MYH9: variants seen among roughly 807,000 people sequenced by gnomAD.
MYH9 encodes the protein myosin-9.
Under a neutral mutation model 241.9 loss-of-function variants are expected in MYH9, and 29 were observed. The observed-to-expected ratio is 0.12, with a 90% CI of 0.09 to 0.16. The LOEUF (loss-of-function observed/expected upper bound fraction) is 0.16, where lower values mean the gene tolerates loss of function less well. Among genes scored for constraint, MYH9 ranks in the 10% least tolerant of loss-of-function variants. MYH9 has a pLI of 1.00. For synonymous variants in MYH9, 1,047 were observed against 1,062.6 expected, an observed-to-expected ratio of 0.99 and a Z score of 0.29; for missense variants, 1,803 against 2,595.5, an observed-to-expected ratio of 0.69 and a Z score of 6.63.
chr22:36,332,446 T>C (rs934339649), intron 3 of MYH9, among the ~76,000 whole-genome samples: 2 of 151,674 alleles, frequency 1.3e-5, no homozygotes, highest in African/African-American at 4.8e-5. Context: ...CATGGGCGAG[T>C]GTGCCCTCCA....
rs528184529 is a variant in MYH9, at chr22:36,328,635, C to G, written c.491-1147G>C. Among the ~76,000 whole-genome samples, 5 of 152,352 alleles carry G rather than the reference C, an allele frequency of 3.3e-5. No homozygotes were observed. The East Asian group carries it at 9.6e-4, about 29-fold the overall frequency. ...GGACCTGCCGCAGTCCCTGTAAAGA[C>G]AGTAAGCTCCACAAACGGTTGCTGT... On this transcript the variant is annotated intron_variant, in intron 3 of 40. Transcript: ENST00000216181.
At chr22:36,292,577 A>C (rs1336811325) in intron 30 of MYH9, among the ~76,000 whole-genome samples, 1 of 152,166 alleles carries the variant, frequency 6.6e-6, no homozygotes, top group African/African-American at 2.4e-5. Flanking sequence ...CGGGGTCCCC[A>C]TCACCCAGCC....
intron 1 of MYH9, among the ~76,000 whole-genome samples, chr22:36,358,369 C>T (rs892080615): frequency 5.3e-5 from 8 of 152,132 alleles, no homozygotes; most frequent in Non-Finnish European, 8.8e-5. Context: ...CAGGCCCAAA[C>T]GCTATTTATT....
chr22:36,306,483 C>T lies in MYH9; in HGVS notation c.1968G>A (p.Lys656=). 6.2e-7 allele frequency: 1 copy of T among 1,614,138 alleles called. No individual in the cohort carries two copies. Among genetic ancestry groups the T allele is most frequent in the Non-Finnish European group, 8.5e-7 (1 of 1,180,028 alleles). The part of the protein sequence containing the change: ...VGQLYKEQLA[K]LMATLRNTNP... ...TCGTGTTCCTCAGCGTAGCCATCAG[C>T]TTGGCCAGCTGCTCCTTGTAAAGCT... Residue 656 remains lysine, a synonymous_variant, in exon 16 of 41, where the codon AAG becomes AAA. Transcript: ENST00000216181. This position sits in a 1 kb window ranked among gnomAD's most constrained non-coding sequence, Gnocchi z 4.1.
At chr22:36,297,627 G>A (rs570117037) in intron 24 of MYH9, among the ~76,000 whole-genome samples, 9 of 152,316 alleles carry the variant, frequency 5.9e-5, no homozygotes, top group South Asian at 4.1e-4. Context: ...GATGTAGCCC[G>A]TGAAGTTTCG....
In MYH9 at chr22:36,320,860, T is replaced by C. The variant is rs1330357532; in HGVS notation, c.806A>G (p.Lys269Arg). 6.2e-7 allele frequency: 1 copy of C among 1,614,094 alleles called. No homozygotes were observed. The highest frequency in any genetic ancestry group is 2.2e-5 in the East Asian group (1 of 44,882). Residue 269 changes from lysine to arginine, a missense_variant, in exon 8 of 41, where the codon AAG becomes AGG. Transcript: ENST00000216181. This position sits in a 1 kb window ranked among gnomAD's most constrained non-coding sequence, Gnocchi z 4.8. The stretch of plus-strand genomic sequence containing the variant: ...GAAGATGTGGAAGGTCCGTTCTTCC[T>C]TGGCTTGGCGGATAGCACGAGATTT... ...LEKSRAIRQAKEERTFHIFYY... is the reference protein window; with the variant it reads ...LEKSRAIRQAREERTFHIFYY...
intron 1 of MYH9, among the ~76,000 whole-genome samples, chr22:36,358,611 G>C (rs767035158): frequency 6.6e-6 from 1 of 151,876 alleles, no homozygotes; most frequent in Non-Finnish European, 1.5e-5. Flanking sequence ...GTCCATCTCT[G>C]GGAGACACCA....
At chr22:36,289,045 G>A (rs371642017) in intron 32 of MYH9, 40 bp downstream of exon 32, 30 of 1,613,324 alleles carry the variant, frequency 1.9e-5, no homozygotes, top group Middle Eastern at 3.3e-4. Flanking sequence ...GACCCCACTC[G>A]GGCCCTTCCC....
intron 10 of MYH9, 125 bp downstream of exon 10, chr22:36,319,415 A>G: frequency 1.1e-6 from 1 of 920,840 alleles, no homozygotes; most frequent in Non-Finnish European, 1.7e-6. Flanking sequence ...TCTGTATAGA[A>G]AATACCGACA....
At chr22:36,290,603 C>T (rs549575427) in intron 31 of MYH9, among the ~76,000 whole-genome samples, 4 of 151,616 alleles carry the variant, frequency 2.6e-5, no homozygotes, top group South Asian at 2.1e-4. Context: ...TCTGCCTGGC[C>T]GCCCATCGTC....
chr22:36,291,562 C>T (rs572459145), intron 31 of MYH9, among the ~76,000 whole-genome samples: 1 of 151,976 alleles, frequency 6.6e-6, no homozygotes, highest in South Asian at 2.1e-4. Context: ...GGGTCCTCTG[C>T]CTAGGAAAAC....
At chr22:36,353,472 T>C (rs1160793021) in intron 1 of MYH9, among the ~76,000 whole-genome samples, 1 of 151,986 alleles carries the variant, frequency 6.6e-6, no homozygotes, top group African/African-American at 2.4e-5. Flanking sequence ...GCAATTCTCC[T>C]GTCTCAGGCT....
intron 5 of MYH9, among the ~76,000 whole-genome samples, chr22:36,324,190 G>A (rs1173180271): frequency 6.6e-6 from 1 of 152,270 alleles, no homozygotes; most frequent in East Asian, 1.9e-4. Context: ...TGGGGCCGCG[G>A]GGCCAAGTCG....
At chr22:36,322,020 T>C in intron 6 of MYH9, 199 bp from the exon 7 acceptor site, 1 of 623,708 alleles carries the variant, frequency 1.6e-6, no homozygotes, top group Non-Finnish European at 2.9e-6. Flanking sequence ...GGCGCCACAC[T>C]GCCTAAGGCC....
At chr22:36,317,796 T>C (rs976842891) in intron 11 of MYH9, among the ~76,000 whole-genome samples, 1 of 152,130 alleles carries the variant, frequency 6.6e-6, no homozygotes, top group Non-Finnish European at 1.5e-5. Context: ...AGGCAGCAGG[T>C]GGTAGAGAAA....
intron 3 of MYH9, among the ~76,000 whole-genome samples, chr22:36,331,998 G>T (rs1033624572): frequency 6.6e-6 from 1 of 152,198 alleles, no homozygotes; most frequent in Non-Finnish European, 1.5e-5. Context: ...CTGGGGGGTG[G>T]CTTGCTATAT....
At chr22:36,384,390 C>T (rs991982175) in intron 1 of MYH9, among the ~76,000 whole-genome samples, 2 of 149,992 alleles carry the variant, frequency 1.3e-5, no homozygotes, top group East Asian at 3.9e-4. Context: ...CGAGATCAGC[C>T]TGGCCAACAT....
chr22:36,285,117 G>A lies in MYH9; in HGVS notation c.5483+4C>T, dbSNP rs56327920. On this transcript the variant is annotated splice_donor_region_variant and intron_variant, in intron 38 of 40. Coordinates refer to ENST00000216181, the MANE Select transcript of MYH9 (RefSeq NM_002473.6). The surrounding 1 kb of genome is among the most constrained non-coding windows in gnomAD (Gnocchi z 7.0). ...TGGGGTTGGGCGGGGCCAGGGGCAC[G>A]TACTTGGTCTCGTTGTCCAGCTGCT... 6.9e-5 allele frequency: 111 copies of A among 1,613,568 alleles called. No individual in the cohort carries two copies. Among genetic ancestry groups the A allele is most frequent in the Middle Eastern group, 1.7e-4 (1 of 5,834 alleles).
chr22:36,324,750 T>TG (rs1451619218), intron 5 of MYH9, among the ~76,000 whole-genome samples: 1 of 152,244 alleles, frequency 6.6e-6, no homozygotes, highest in Non-Finnish European at 1.5e-5. Context: ...GCCTGAGCTA[T>TG]GACTGGAAGC....
Sources: gnomAD v4.1 joint callset for allele counts (sites outside exome capture counted in the v4.1 genomes callset) on GRCh38, gnomAD v4.1.1 for gene constraint, Gnocchi (gnomAD v3.1) non-coding constraint, MANE v1.5 for transcripts, NCBI Gene and HGNC (gene_info 2026-07-23, HGNC 2026-07-21) for gene names.